SUMF1: variants seen among roughly 807,000 people sequenced by gnomAD.
SUMF1 encodes the protein formylglycine-generating enzyme.
A neutral mutation model predicts 47.6 loss-of-function variants in SUMF1; 48 were observed. The observed-to-expected ratio is 1.01, with a 90% confidence interval of 0.80 to 1.28. SUMF1 has a LOEUF of 1.28. Among genes scored for constraint, SUMF1 ranks in the 50% most tolerant of loss-of-function variants. The probability of loss-of-function intolerance (pLI) is 0.00; values close to 1 mark genes in which losing one functional copy is unlikely to be tolerated. For missense variants in SUMF1, 571 were observed against 485.4 expected (o/e 1.18, Z -1.66); for synonymous variants, 230 against 192.1 (o/e 1.20, Z -1.63).
intron 8 of SUMF1, among the ~76,000 whole-genome samples, chr3:4,196,119 T>G (rs1695423450): frequency 6.6e-6 from 1 of 152,276 alleles, no homozygotes; most frequent in African/African-American, 2.4e-5. Flanking sequence ...TAAATATTAG[T>G]AACTTATTTC....
At chr3:4,385,952 C>A (rs79946490) in intron 7 of SUMF1, among the ~76,000 whole-genome samples, 2 of 152,178 alleles carry the variant, frequency 1.3e-5, no homozygotes, top group Admixed American at 1.3e-4. Context: ...TATGTGTGGG[C>A]CTATTTCTGG....
intron 8 of SUMF1, among the ~76,000 whole-genome samples, chr3:4,333,904 G>C (rs115324589): frequency 4.9e-4 from 75 of 151,960 alleles, no homozygotes; most frequent in African/African-American, 1.6e-3. Context: ...GGGGTGGGGG[G>C]ACTGCTTGAG....
intron 8 of SUMF1, among the ~76,000 whole-genome samples, chr3:4,294,940 G>A (rs1302396448): frequency 5.9e-5 from 9 of 152,246 alleles, no homozygotes; most frequent in Middle Eastern, 3.4e-3. Flanking sequence ...GTAGAGATCC[G>A]TCTGCAGCGA....
In SUMF1 at chr3:4,271,339, T is replaced by C. The variant is rs139524357; in HGVS notation, c.1014+104991A>G. Among the ~76,000 whole-genome samples the C allele has an allele frequency of 9.3e-4, 141 of 152,318 alleles. 1 individual carries two copies. The highest frequency in any genetic ancestry group is 5.5e-3 in the Admixed American group (84 of 15,304). ...CAACCACTCCATGTCTTATGCACCA[T>C]ATATTTTTACCTACCAAATAAGGAG... is the stretch of plus-strand genomic sequence containing the variant. On this transcript the variant is annotated intron_variant and NMD_transcript_variant, in intron 8 of 12. Coordinates refer to the SUMF1 transcript ENST00000448413.
intron 8 of SUMF1, among the ~76,000 whole-genome samples, chr3:4,227,942 G>A (rs1574998275): frequency 6.6e-6 from 1 of 152,108 alleles, no homozygotes; most frequent in African/African-American, 2.4e-5. Flanking sequence ...CTTTGAAGAA[G>A]TAATACTTAG....
chr3:4,323,240 T>C (rs571415617), intron 8 of SUMF1, among the ~76,000 whole-genome samples: 1 of 152,312 alleles, frequency 6.6e-6, no homozygotes, highest in African/African-American at 2.4e-5. Context: ...GCCCTTGATA[T>C]GGATGACCCT....
chr3:4,427,507 C>T (rs539102679), intron 3 of SUMF1, among the ~76,000 whole-genome samples: 1 of 152,230 alleles, frequency 6.6e-6, no homozygotes, highest in Non-Finnish European at 1.5e-5. Context: ...TGAATAAAGG[C>T]TAAAAACAAA....
At chr3:4,325,608 T>C (rs1698928071) in intron 8 of SUMF1, among the ~76,000 whole-genome samples, 1 of 149,280 alleles carries the variant, frequency 6.7e-6, no homozygotes, top group African/African-American at 2.5e-5. Context: ...TATATATGTG[T>C]ACACACACAC....
At chr3:4,206,409 C>T (rs1236752114) in intron 8 of SUMF1, among the ~76,000 whole-genome samples, 1 of 152,084 alleles carries the variant, frequency 6.6e-6, no homozygotes, top group East Asian at 1.9e-4. Context: ...CTGGACCATT[C>T]CCCTCCAGTG....
intron 3 of SUMF1, among the ~76,000 whole-genome samples, chr3:4,429,368 T>C (rs1702166168): frequency 6.6e-6 from 1 of 152,236 alleles, no homozygotes; most frequent in Non-Finnish European, 1.5e-5. Context: ...ACAGGTCTTT[T>C]CCAGTGTCTA....
At chr3:4,076,406 G>T (rs1411323663) in intron 8 of SUMF1, among the ~76,000 whole-genome samples, 1 of 152,020 alleles carries the variant, frequency 6.6e-6, no homozygotes, top group South Asian at 2.1e-4. Context: ...AGAAAACCTA[G>T]GCAATACCAT....
chr3:4,320,269 A>G (rs1698800484), intron 8 of SUMF1, among the ~76,000 whole-genome samples: 1 of 152,222 alleles, frequency 6.6e-6, no homozygotes, highest in Non-Finnish European at 1.5e-5. Flanking sequence ...TGATCTAAGT[A>G]ACTTTGGAAA....
In SUMF1 at chr3:4,117,446, G is replaced by A. The variant is rs554103192; in HGVS notation, c.1015-48701C>T. ...TAATACTCAAGAAATCAGGTAAACA[G>A]GGACTTAAGGGCAGCTTCTTCCTTA... is the stretch of plus-strand genomic sequence containing the variant. On this transcript the variant is annotated intron_variant and NMD_transcript_variant, in intron 8 of 12. Coordinates refer to the SUMF1 transcript ENST00000448413. Among the ~76,000 whole-genome samples the A allele has an allele frequency of 1.6e-3, 242 of 152,198 alleles. 1 individual carries two copies. Among genetic ancestry groups the A allele is most frequent in the Non-Finnish European group, 2.8e-3 (193 of 68,016 alleles).
chr3:4,171,868 G>A (rs572766741), intron 8 of SUMF1, among the ~76,000 whole-genome samples: 2 of 152,238 alleles, frequency 1.3e-5, no homozygotes, highest in South Asian at 4.1e-4. Context: ...GTACCAGAAG[G>A]TGTAGAGAGG....
At chr3:4,272,925 A>G (rs1559639149) in intron 8 of SUMF1, among the ~76,000 whole-genome samples, 1 of 152,038 alleles carries the variant, frequency 6.6e-6, no homozygotes, top group Non-Finnish European at 1.5e-5. Context: ...AAGTTTAAAA[A>G]TTAGCGAGGC....
At chr3:4,375,184 A>G (rs1700289632) in intron 8 of SUMF1, among the ~76,000 whole-genome samples, 1 of 151,612 alleles carries the variant, frequency 6.6e-6, no homozygotes, top group African/African-American at 2.4e-5. Context: ...AAATTGGTCT[A>G]CATCTTATTA....
chr3:4,241,470 A>T (rs1235328605), intron 8 of SUMF1, among the ~76,000 whole-genome samples: 1 of 152,172 alleles, frequency 6.6e-6, no homozygotes, highest in Non-Finnish European at 1.5e-5. Context: ...TGGCTAAGTC[A>T]TGTAACCAAT....
chr3:4,091,843 G>C (rs1200361423), intron 8 of SUMF1, among the ~76,000 whole-genome samples: 3 of 151,340 alleles, frequency 2.0e-5, no homozygotes, highest in African/African-American at 7.3e-5. Context: ...TCATTATTCT[G>C]GATGCTCCCA....
intron 7 of SUMF1, among the ~76,000 whole-genome samples, chr3:4,410,572 C>T (rs1314971483): frequency 6.6e-6 from 1 of 152,114 alleles, no homozygotes; most frequent in Non-Finnish European, 1.5e-5. Context: ...ATATATCATG[C>T]ATGCTTTGAT....
Sources: gnomAD v4.1 joint callset for allele counts (sites outside exome capture counted in the v4.1 genomes callset) on GRCh38, gnomAD v4.1.1 for gene constraint, MANE v1.5 for transcripts, NCBI Gene and HGNC (gene_info 2026-07-23, HGNC 2026-07-21) for gene names.